Variants in NALF1 observed in about 807,000 individuals in gnomAD.
The protein encoded by NALF1 is NALCN channel auxiliary factor 1, also known as family with sequence similarity 155 member A.
In NALF1, 3 loss-of-function variants were observed where a neutral mutation model predicts 48.4. That is an observed-to-expected ratio of 0.06 (90% CI 0.03 to 0.16). The LOEUF (loss-of-function observed/expected upper bound fraction) is 0.16, where lower values mean the gene tolerates loss of function less well. Among genes scored for constraint, NALF1 ranks in the 10% least tolerant of loss-of-function variants. The pLI is 1.00. For missense variants in NALF1, 526 were observed against 571.5 expected (o/e 0.92, Z 0.81); for synonymous variants, 262 against 245.7 (o/e 1.07, Z -0.62).
intron 1 of NALF1, among the ~76,000 whole-genome samples, chr13:107,680,660 A>G (rs1881272814): frequency 6.7e-6 from 1 of 149,570 alleles, no homozygotes; most frequent in Admixed American, 6.7e-5. Context: ...ATGAGTGTGT[A>G]TGTGTAAGGA....
chr13:107,207,564 G>A (rs1879669778), intron 2 of NALF1, among the ~76,000 whole-genome samples: 2 of 152,226 alleles, frequency 1.3e-5, no homozygotes, highest in Admixed American at 6.5e-5. Context: ...TGGGGCCCAT[G>A]TCTGGGACTC....
intron 1 of NALF1, among the ~76,000 whole-genome samples, chr13:107,647,794 T>C (rs1880350613): frequency 6.6e-6 from 1 of 152,082 alleles, no homozygotes; most frequent in African/African-American, 2.4e-5. Flanking sequence ...TGCAAACAAC[T>C]GAGTTAAATA....
intron 1 of NALF1, among the ~76,000 whole-genome samples, chr13:107,785,592 T>G (rs73585669): frequency 0.019 from 2,846 of 152,174 alleles, 71 homozygotes; most frequent in African/African-American, 0.065. Flanking sequence ...CAAATAGCAT[T>G]GAGTGTATAC....
chr13:107,364,234 C>A (rs1883113314), intron 1 of NALF1, among the ~76,000 whole-genome samples: 1 of 152,146 alleles, frequency 6.6e-6, no homozygotes, highest in Admixed American at 6.6e-5. Context: ...ATAAATGGAT[C>A]TAATTTTGAT....
chr13:107,235,968 T>C (rs1164545530), intron 1 of NALF1, among the ~76,000 whole-genome samples: 1 of 152,158 alleles, frequency 6.6e-6, no homozygotes, highest in African/African-American at 2.4e-5. Context: ...AACACTATTG[T>C]AGAACGTGAA....
intron 1 of NALF1, among the ~76,000 whole-genome samples, chr13:107,405,892 G>A (rs561502900): frequency 6.6e-5 from 10 of 152,192 alleles, no homozygotes; most frequent in African/African-American, 2.4e-4. Flanking sequence ...TGTGGTTCAT[G>A]TTAGATTGGC....
At chr13:107,714,392 C>T (rs1193871417) in intron 1 of NALF1, among the ~76,000 whole-genome samples, 1 of 152,016 alleles carries the variant, frequency 6.6e-6, no homozygotes, top group Non-Finnish European at 1.5e-5. Context: ...CCAGGCCAGG[C>T]GCAGTGGCTC....
chr13:107,393,456 C>T (rs1169082230), intron 1 of NALF1, among the ~76,000 whole-genome samples: 1 of 152,112 alleles, frequency 6.6e-6, no homozygotes, highest in Non-Finnish European at 1.5e-5. Flanking sequence ...AAGGTCTTTG[C>T]TCTGAGACAC....
chr13:107,289,196 C>T (rs1264860489), intron 1 of NALF1, among the ~76,000 whole-genome samples: 2 of 152,170 alleles, frequency 1.3e-5, no homozygotes, highest in Non-Finnish European at 2.9e-5. Context: ...CCCTGCCACC[C>T]TATATAAAAT....
Position 107,164,421 on chromosome 13 carries a change from ATG to A in NALF1, c.*6074_*6075del, listed in dbSNP as rs1009870765. 5.9e-5 allele frequency: 9 copies of A among 152,082 alleles called. No homozygotes were observed. Among genetic ancestry groups the A allele is most frequent in the Non-Finnish European group, 8.8e-5 (6 of 68,034 alleles). The allele number at this position is 152,082 out of a possible 1,614,324, so 9.4% of individuals were successfully genotyped here. ...TCAGTTTAATTAATTTTCATAATAA[ATG>A]TTCCAATTTAAACATTTTCATGTTT... On this transcript the variant is annotated 3_prime_UTR_variant, in exon 3 of 3. Transcript: ENST00000375915.
intron 1 of NALF1, among the ~76,000 whole-genome samples, chr13:107,621,748 C>T (rs374336151): frequency 1.3e-5 from 2 of 152,202 alleles, no homozygotes; most frequent in Non-Finnish European, 2.9e-5. Flanking sequence ...AATTGAGGCG[C>T]TCTGCTCCAC....
chr13:107,723,836 G>A (rs1184468949), intron 1 of NALF1, among the ~76,000 whole-genome samples: 1 of 152,132 alleles, frequency 6.6e-6, no homozygotes, highest in Non-Finnish European at 1.5e-5. Context: ...TTTCTAGTTA[G>A]ATAAATCATT....
chr13:107,491,428 G>A (rs993799901), intron 1 of NALF1, among the ~76,000 whole-genome samples: 13 of 151,790 alleles, frequency 8.6e-5, no homozygotes, highest in Middle Eastern at 3.4e-3. Context: ...TAATTGCATG[G>A]TGTTTGGAGA....
intron 1 of NALF1, among the ~76,000 whole-genome samples, chr13:107,329,972 G>A (rs1373025484): frequency 6.6e-6 from 1 of 152,134 alleles, no homozygotes; most frequent in African/African-American, 2.4e-5. Flanking sequence ...AGGATTTGGG[G>A]AAGTGAGGTG....
chr13:107,832,749 C>T (rs2138628543), intron 1 of NALF1, among the ~76,000 whole-genome samples: 1 of 152,266 alleles, frequency 6.6e-6, no homozygotes, highest in Middle Eastern at 3.4e-3. Flanking sequence ...GTGGCTTCTG[C>T]TCTCCTCTGT....
intron 1 of NALF1, among the ~76,000 whole-genome samples, chr13:107,477,767 A>AT (rs1885195461): frequency 1.3e-5 from 2 of 151,614 alleles, no homozygotes; most frequent in South Asian, 4.2e-4. Context: ...CCTGTAACTA[A>AT]TTTTTTTTCC....
Position 107,553,696 on chromosome 13 carries a change from C to A in NALF1, c.915+311986G>T, listed in dbSNP as rs529763112. The stretch of plus-strand genomic sequence containing the variant: ...ATTAAGCTTCATTAATTTATAGATA[C>A]CTTATGGATATACTACAGCAAATAA... On this transcript the variant is annotated intron_variant, in intron 1 of 2. Transcript: ENST00000375915. Among the ~76,000 whole-genome samples, 10 of 152,230 alleles carry A rather than the reference C, an allele frequency of 6.6e-5. No individual in the cohort carries two copies. The East Asian group carries it at 1.5e-3, about 24-fold the overall frequency.
intron 1 of NALF1, among the ~76,000 whole-genome samples, chr13:107,799,368 G>A (rs1451237959): frequency 6.6e-6 from 1 of 152,184 alleles, no homozygotes; most frequent in Non-Finnish European, 1.5e-5. Context: ...TGACATGCCT[G>A]TAAATGAGGT....
chr13:107,610,698 A>G (rs1314781275), intron 1 of NALF1, among the ~76,000 whole-genome samples: 1 of 152,242 alleles, frequency 6.6e-6, no homozygotes, highest in Middle Eastern at 3.2e-3. Flanking sequence ...AATATTGTTT[A>G]AGTGGAAATG....
Sources: allele counts gnomAD v4.1 joint callset (sites outside exome capture counted in the v4.1 genomes callset), GRCh38; gene constraint gnomAD v4.1.1; transcripts MANE v1.5; gene names NCBI Gene and HGNC (gene_info 2026-07-23, HGNC 2026-07-21).